PHIP: variants seen among roughly 807,000 people sequenced by gnomAD.
PHIP encodes PH-interacting protein.
PHIP carries 54 observed loss-of-function variants against 236.8 expected under a neutral mutation model. The ratio of observed to expected loss-of-function variants is 0.23; its 90% confidence interval spans 0.18 to 0.29. The LOEUF (loss-of-function observed/expected upper bound fraction) is 0.29. PHIP is among the 10% of genes least tolerant of loss of function. The pLI is 1.00. For synonymous variants in PHIP, 756 were observed against 718.9 expected, an observed-to-expected ratio of 1.05 and a Z score of -0.83; for missense variants, 1,370 against 2,190.8, an observed-to-expected ratio of 0.63 and a Z score of 7.48.
In PHIP at chr6:78,955,296, AT is replaced by A; in HGVS notation, c.3853-15del. 6.3e-7 allele frequency: 1 copy of A among 1,587,204 alleles called. No individual in the cohort carries two copies. The highest frequency in any genetic ancestry group is 2.2e-5 in the East Asian group (1 of 44,566). On this transcript the variant is annotated splice_polypyrimidine_tract_variant and intron_variant, in intron 33 of 39. Transcript: ENST00000275034. ...TTTCTCTTCATCCTTTGAGGCAAGAATTTACCAGATTCATAAAACATTTTAG... is the reference window on the plus strand; with the variant it reads ...TTTCTCTTCATCCTTTGAGGCAAGAATTACCAGATTCATAAAACATTTTAG...
intron 4 of PHIP, among the ~76,000 whole-genome samples, chr6:79,066,640 A>G (rs1218423888): frequency 6.6e-6 from 1 of 152,220 alleles, no homozygotes; most frequent in Non-Finnish European, 1.5e-5. Context: ...TGCACTACTA[A>G]GGAAACTAGC....
At chr6:78,962,219 TTTACA>T (rs1766829286) in intron 30 of PHIP, among the ~76,000 whole-genome samples, 1 of 152,068 alleles carries the variant, frequency 6.6e-6, no homozygotes, top group South Asian at 2.1e-4. Context: ...TTATCTCAAC[TTTACA>T]TTATTCTGTG....
chr6:78,964,546 G>A (rs773136181), intron 29 of PHIP, among the ~76,000 whole-genome samples: 3 of 152,086 alleles, frequency 2.0e-5, no homozygotes, highest in East Asian at 1.9e-4. Context: ...AGGCTGGAGC[G>A]CAGTGGTGCA....
At chr6:79,013,730 T>C (rs1417058183) in intron 15 of PHIP, among the ~76,000 whole-genome samples, 1 of 151,610 alleles carries the variant, frequency 6.6e-6, no homozygotes, top group Non-Finnish European at 1.5e-5. Context: ...GGTATTCAAT[T>C]ATGGGAGAAA....
At chr6:79,048,706 T>C (rs1206258872) in intron 6 of PHIP, among the ~76,000 whole-genome samples, 1 of 152,206 alleles carries the variant, frequency 6.6e-6, no homozygotes, top group African/African-American at 2.4e-5. Flanking sequence ...TTAATAACAA[T>C]ATAATATGCT....
At position 78,967,683 on chromosome 6, in the gene PHIP, G is replaced by C. The variant is rs1039903490; in HGVS notation, c.3206-1627C>G. On this transcript the variant is annotated intron_variant, in intron 27 of 39. Transcript: ENST00000275034. ...TAGAATAAAATTGTAAGATCCAAAT[G>C]AGAAAATTATGATGCTCATTCATTT... Among the ~76,000 whole-genome samples the C allele has an allele frequency of 2.0e-5, 3 of 152,150 alleles. No individual in the cohort carries two copies. In the South Asian group the frequency reaches 6.2e-4, roughly 31 times the overall value.
chr6:78,995,681 T>C (rs1033541762), intron 19 of PHIP, among the ~76,000 whole-genome samples: 10 of 152,238 alleles, frequency 6.6e-5, no homozygotes, highest in African/African-American at 2.2e-4. Flanking sequence ...TTGGTAAATG[T>C]CTGTTCATGT....
chr6:79,025,206 C>A (rs1010128295), intron 9 of PHIP, among the ~76,000 whole-genome samples: 1 of 151,928 alleles, frequency 6.6e-6, no homozygotes, highest in Non-Finnish European at 1.5e-5. Context: ...AGATTAAGTT[C>A]TGAGCATCAA....
rs1453388139 is a variant in PHIP at position 78,941,215 on chromosome 6, A to G, written c.4944T>C (p.Asn1648=). Residue 1648 remains asparagine (N), a synonymous_variant, in exon 40 of 40, where the codon AAT becomes AAC. Transcript: ENST00000275034. ...TGTGTATAATTTCACCACTATTGGT[A>G]TTAACTTCTACTTTAGGTTTCCTTC... ...GPGRKPKVEV[N]TNSGEIIHKK... 1 of 1,613,926 alleles carries G rather than the reference A, an allele frequency of 6.2e-7. No homozygotes were observed. Among genetic ancestry groups the G allele is most frequent in the East Asian group, 2.2e-5 (1 of 44,856 alleles).
chr6:79,070,635 AAC>A (rs1773835102), intron 4 of PHIP, among the ~76,000 whole-genome samples: 2 of 152,190 alleles, frequency 1.3e-5, no homozygotes, highest in Admixed American at 6.5e-5. Context: ...TGGAGTCCAG[AAC>A]ACAGTCATCC....
chr6:79,003,643 C>T, intron 16 of PHIP, 87 bp downstream of exon 16: 1 of 853,074 alleles, frequency 1.2e-6, no homozygotes, highest in South Asian at 2.8e-5. Context: ...TGTAAAGATG[C>T]TGATTCTCAC....
intron 4 of PHIP, among the ~76,000 whole-genome samples, chr6:79,068,324 G>A (rs889498771): frequency 1.2e-4 from 19 of 152,156 alleles, no homozygotes; most frequent in African/African-American, 4.1e-4. Context: ...TTAGCCGGAC[G>A]TGGTGGCACG....
intron 12 of PHIP, 90 bp from the exon 13 acceptor site, chr6:79,016,732 G>T: frequency 2.7e-6 from 2 of 751,790 alleles, no homozygotes; most frequent in African/African-American, 1.8e-5. Flanking sequence ...TAAAAAGACA[G>T]CATTCATCTT....
intron 29 of PHIP, among the ~76,000 whole-genome samples, chr6:78,965,403 AC>A (rs1307129597): frequency 2.0e-5 from 3 of 152,222 alleles, no homozygotes; most frequent in Non-Finnish European, 4.4e-5. Flanking sequence ...TGCTAAAGTT[AC>A]AAAAGTGTCT....
At position 78,954,891 on chromosome 6, in the gene PHIP, C is replaced by A; in HGVS notation, c.3976G>T (p.Glu1326Ter). Reference sequence around the variant, plus strand: ...TGAAATATGAGATTTAACAATTCTTCACACTGTTTCTTCCATGCTTGAATA... The same window carrying A: ...TGAAATATGAGATTTAACAATTCTTAACACTGTTTCTTCCATGCTTGAATA... ...YDIQAWKKQCEELLNLIFQCE... is the reference protein window; with the variant it reads ...YDIQAWKKQC Residue 1326 changes from glutamate to a stop codon, truncating the protein, a stop_gained, in exon 35 of 40, where the codon GAA becomes TAA. Coordinates refer to ENST00000275034, the MANE Select transcript of PHIP (RefSeq NM_017934.7). LOFTEE classifies it high-confidence loss of function. The A allele has an allele frequency of 6.3e-7, 1 of 1,587,302 alleles. No homozygotes were observed.
chr6:79,026,186 A>G, intron 7 of PHIP, 22 bp from the exon 8 acceptor site: 1 of 1,511,612 alleles, frequency 6.6e-7, no homozygotes, highest in Non-Finnish European at 9.2e-7. Flanking sequence ...AATGGATATT[A>G]ATAGAATTAA....
chr6:79,008,846 T>G (rs1427488282), intron 15 of PHIP, among the ~76,000 whole-genome samples: 1 of 152,128 alleles, frequency 6.6e-6, no homozygotes, highest in Non-Finnish European at 1.5e-5. Context: ...CAGTTCTCCC[T>G]TATGTCTTTC....
chr6:79,042,028 A>C (rs2127759858), intron 7 of PHIP, among the ~76,000 whole-genome samples: 1 of 152,182 alleles, frequency 6.6e-6, no homozygotes, highest in South Asian at 2.1e-4. Context: ...ATTTCCATTT[A>C]ACTTCCACTT....
In PHIP at chr6:79,035,700, TG is replaced by T. The variant is rs554422617; in HGVS notation, c.600+7142del. Among the ~76,000 whole-genome samples, 502 of 152,292 alleles carry T rather than the reference TG, an allele frequency of 3.3e-3. 1 individual carries two copies. Among genetic ancestry groups the T allele is most frequent in the Non-Finnish European group, 5.7e-3 (388 of 68,008 alleles). ...AAGCAGTAGAAATGAATGCCAAAAA[TG>T]TTGTCTGTATTGTCATATTTACTAC... On this transcript the variant is annotated intron_variant, in intron 7 of 39. Transcript: ENST00000275034.
Sources: gnomAD v4.1 joint callset for allele counts (sites outside exome capture counted in the v4.1 genomes callset) on GRCh38, gnomAD v4.1.1 for gene constraint, MANE v1.5 for transcripts, NCBI Gene and HGNC (gene_info 2026-07-23, HGNC 2026-07-21) for gene names.